Variants in LIN7A observed in about 807,000 individuals in gnomAD.
LIN7A encodes the protein lin-7 cell polarity scaffold A, also known as protein lin-7 homolog A.
Under a neutral mutation model 29.8 loss-of-function variants are expected in LIN7A, and 25 were observed. The ratio of observed to expected loss-of-function variants is 0.84; its 90% CI spans 0.61 to 1.17. The LOEUF (loss-of-function observed/expected upper bound fraction) is 1.17. LIN7A is among the 50% of genes most tolerant of loss of function. The probability of loss-of-function intolerance (pLI) is 0.00; values close to 1 mark genes in which losing one functional copy is unlikely to be tolerated. For missense variants in LIN7A, 239 were observed against 287.0 expected (o/e 0.83, Z 1.21); for synonymous variants, 118 against 107.5 (o/e 1.10, Z -0.60).
intron 1 of LIN7A, among the ~76,000 whole-genome samples, chr12:80,927,155 C>CTTTTTCTT (rs1246361470): frequency 3.3e-4 from 25 of 75,538 alleles, no homozygotes; most frequent in Admixed American, 4.4e-4. Flanking sequence ...TTTTCTTTTT[C>CTTTTTCTT]TTTTTTTTTT....
chr12:80,930,562 G>T (rs1176417577), intron 1 of LIN7A, among the ~76,000 whole-genome samples: 2 of 152,124 alleles, frequency 1.3e-5, no homozygotes, highest in Non-Finnish European at 2.9e-5. Flanking sequence ...GTGGAGGGGG[G>T]CAATTCTATA....
intron 4 of LIN7A, among the ~76,000 whole-genome samples, chr12:80,823,465 G>C (rs1364413375): frequency 6.6e-6 from 1 of 152,224 alleles, no homozygotes; most frequent in Admixed American, 6.5e-5. Context: ...GCCAGCCCCT[G>C]TGCCAGCACC....
intron 4 of LIN7A, among the ~76,000 whole-genome samples, chr12:80,838,061 G>A (rs532431717): frequency 3.0e-4 from 46 of 152,256 alleles, no homozygotes; most frequent in Admixed American, 1.4e-3. Context: ...CTATGAGAAA[G>A]ACTGCACCAG....
intron 4 of LIN7A, among the ~76,000 whole-genome samples, chr12:80,843,540 T>G (rs1002576640): frequency 6.6e-6 from 1 of 152,134 alleles, no homozygotes. Context: ...AGACTTACTT[T>G]TAACCTAACT....
intron 2 of LIN7A, among the ~76,000 whole-genome samples, chr12:80,878,154 T>A (rs1874814982): frequency 6.6e-6 from 1 of 152,210 alleles, no homozygotes; most frequent in Admixed American, 6.5e-5. Context: ...ATAGATGATT[T>A]TTAAGGGTCT....
At chr12:80,823,406 C>T (rs1452276998) in intron 4 of LIN7A, among the ~76,000 whole-genome samples, 1 of 152,232 alleles carries the variant, frequency 6.6e-6, no homozygotes, top group African/African-American at 2.4e-5. Flanking sequence ...TGGTGCCAGG[C>T]ATGGAAGCTG....
chr12:80,854,107 TC>T lies in LIN7A; in HGVS notation c.202-5786del, dbSNP rs566502873. On this transcript the variant is annotated intron_variant, in intron 2 of 5. Coordinates refer to ENST00000552864, the MANE Select transcript of LIN7A (RefSeq NM_004664.4). The stretch of plus-strand genomic sequence containing the variant: ...TTAATGTAAGATCCACTCATCTTCT[TC>T]TAGCTATTTATCCAAGATAAAGAAA... Among the ~76,000 whole-genome samples the T allele has an allele frequency of 1.4e-3, 216 of 152,316 alleles. 2 individuals are homozygous for T. Among genetic ancestry groups the T allele is most frequent in the African/African-American group, 4.6e-3 (193 of 41,584 alleles).
At chr12:80,882,347 G>A (rs12426004) in intron 2 of LIN7A, among the ~76,000 whole-genome samples, 1 of 120,714 alleles carries the variant, frequency 8.3e-6, no homozygotes, top group African/African-American at 2.7e-5. Flanking sequence ...TGCAGTGGCG[G>A]GATCTCGGCT....
chr12:80,922,595 T>G (rs1352561280), intron 1 of LIN7A, among the ~76,000 whole-genome samples: 2 of 152,182 alleles, frequency 1.3e-5, no homozygotes, highest in Non-Finnish European at 2.9e-5. Flanking sequence ...GCTGGTACTT[T>G]CTTATAATTT....
At chr12:80,875,996 G>T (rs1874670820) in intron 2 of LIN7A, among the ~76,000 whole-genome samples, 1 of 151,514 alleles carries the variant, frequency 6.6e-6, no homozygotes, top group East Asian at 1.9e-4. Context: ...TTTAGTTTAT[G>T]GCACATACTC....
chr12:80,820,712 T>A (rs1656523604), intron 4 of LIN7A, among the ~76,000 whole-genome samples: 1 of 151,894 alleles, frequency 6.6e-6, no homozygotes, highest in South Asian at 2.1e-4. Context: ...AGAACAAAGC[T>A]GCCTGGGAAA....
At chr12:80,894,995 C>G (rs1335312283) in intron 1 of LIN7A, among the ~76,000 whole-genome samples, 2 of 152,278 alleles carry the variant, frequency 1.3e-5, no homozygotes, top group East Asian at 3.9e-4. Flanking sequence ...TGCCTGTGCT[C>G]TTGTTTATTC....
At chr12:80,809,046 C>T (rs1871169357) in intron 5 of LIN7A, among the ~76,000 whole-genome samples, 3 of 151,124 alleles carry the variant, frequency 2.0e-5, no homozygotes, top group Admixed American at 1.3e-4. Context: ...AGTGCAATGG[C>T]TCGATCTCGG....
intron 4 of LIN7A, among the ~76,000 whole-genome samples, chr12:80,820,906 A>G (rs1022839303): frequency 2.6e-5 from 4 of 152,114 alleles, no homozygotes; most frequent in Non-Finnish European, 5.9e-5. Context: ...TACACCCCCA[A>G]TGAGCAAAGG....
intron 1 of LIN7A, among the ~76,000 whole-genome samples, chr12:80,925,052 A>G (rs1321167562): frequency 2.0e-5 from 3 of 152,178 alleles, no homozygotes; most frequent in African/African-American, 7.2e-5. Flanking sequence ...ACCTAGTTTT[A>G]CCCTCTAAAA....
At chr12:80,923,745 T>C (rs1003604584) in intron 1 of LIN7A, among the ~76,000 whole-genome samples, 5 of 152,228 alleles carry the variant, frequency 3.3e-5, no homozygotes, top group Non-Finnish European at 7.3e-5. Context: ...CTATAGATTC[T>C]ATTACTGACC....
intron 2 of LIN7A, among the ~76,000 whole-genome samples, chr12:80,879,111 A>G (rs1874882062): frequency 6.6e-6 from 1 of 152,198 alleles, no homozygotes; most frequent in Non-Finnish European, 1.5e-5. Flanking sequence ...TCAGCCTTTC[A>G]TGTAGATGCA....
At chr12:80,856,984 C>A (rs1873633466) in intron 2 of LIN7A, among the ~76,000 whole-genome samples, 1 of 152,196 alleles carries the variant, frequency 6.6e-6, no homozygotes, top group Non-Finnish European at 1.5e-5. Context: ...GCCCCAATAT[C>A]CTTATGGAAG....
chr12:80,869,440 C>T (rs891429960), intron 2 of LIN7A, among the ~76,000 whole-genome samples: 6 of 152,088 alleles, frequency 3.9e-5, no homozygotes, highest in South Asian at 2.1e-4. Flanking sequence ...TGGCTGGGGG[C>T]GGATTCATCT....
Sources: gnomAD v4.1 joint callset for allele counts (sites outside exome capture counted in the v4.1 genomes callset) on GRCh38, gnomAD v4.1.1 for gene constraint, MANE v1.5 for transcripts, NCBI Gene and HGNC (gene_info 2026-07-23, HGNC 2026-07-21) for gene names.